GPR155: variants seen among roughly 807,000 people sequenced by gnomAD.
The protein encoded by GPR155 is G protein-coupled receptor 155.
A neutral mutation model predicts 93.1 loss-of-function variants in GPR155; 65 were observed. The observed-to-expected ratio is 0.70, with a 90% confidence interval of 0.57 to 0.86. The LOEUF is 0.86. Ranked by LOEUF, GPR155 falls within the 40% of genes least tolerant of loss-of-function variation. The probability of loss-of-function intolerance (pLI) is 0.00; values close to 1 mark genes in which losing one functional copy is unlikely to be tolerated. For synonymous variants in GPR155, 319 were observed against 360.1 expected (o/e 0.89, Z 1.29); for missense variants, 838 against 1,034.8 (o/e 0.81, Z 2.61).
intron 13 of GPR155, among the ~76,000 whole-genome samples, chr2:174,444,079 A>G (rs141147826): frequency 6.6e-6 from 1 of 152,304 alleles, no homozygotes; most frequent in East Asian, 1.9e-4. Flanking sequence ...TTAAGTATCT[A>G]TTGTTCAAGA....
At chr2:174,475,145 A>G (rs907993821) in intron 2 of GPR155, among the ~76,000 whole-genome samples, 2 of 150,462 alleles carry the variant, frequency 1.3e-5, no homozygotes, top group Non-Finnish European at 3.0e-5. Context: ...AATACAAAAA[A>G]TTAGCCGGGC....
chr2:174,448,500 TA>T (rs1431530945), intron 11 of GPR155, among the ~76,000 whole-genome samples: 1 of 151,078 alleles, frequency 6.6e-6, no homozygotes, highest in Non-Finnish European at 1.5e-5. Flanking sequence ...AAAAACACTA[TA>T]CTGGGAAGTT....
chr2:174,466,176 T>A (rs1687832720), intron 6 of GPR155, among the ~76,000 whole-genome samples: 1 of 152,200 alleles, frequency 6.6e-6, no homozygotes, highest in African/African-American at 2.4e-5. Context: ...AATATTAATT[T>A]TATACCTGTA....
chr2:174,483,854 G>A (rs1366353255), intron 1 of GPR155, among the ~76,000 whole-genome samples: 1 of 152,010 alleles, frequency 6.6e-6, no homozygotes, highest in Non-Finnish European at 1.5e-5. Flanking sequence ...CAAAATGCTG[G>A]GATTATAGGT....
chr2:174,463,929 C>G (rs1474634375), intron 7 of GPR155, among the ~76,000 whole-genome samples: 1 of 152,220 alleles, frequency 6.6e-6, no homozygotes, highest in Non-Finnish European at 1.5e-5. Context: ...TTCTTTACCA[C>G]TTTTCCTCCC....
chr2:174,442,007 C>T (rs1486366236), intron 14 of GPR155, 112 bp downstream of exon 14: 2 of 691,800 alleles, frequency 2.9e-6, no homozygotes, highest in Admixed American at 5.0e-5. Context: ...CCTGGCCTCC[C>T]AAAGTACTGG....
At chr2:174,472,171 C>T (rs574291236) in intron 3 of GPR155, among the ~76,000 whole-genome samples, 14 of 152,028 alleles carry the variant, frequency 9.2e-5, no homozygotes, top group Non-Finnish European at 2.1e-4. Flanking sequence ...TTTGGGAGGC[C>T]GAGATGGATG....
chr2:174,436,640 CAG>C (rs1430002081), intron 15 of GPR155, among the ~76,000 whole-genome samples: 4 of 152,158 alleles, frequency 2.6e-5, no homozygotes, highest in African/African-American at 9.7e-5. Context: ...CTTGTGAAAA[CAG>C]AAATGCTTAA....
chr2:174,462,520 G>A (rs1212867310), intron 7 of GPR155, among the ~76,000 whole-genome samples: 1 of 152,204 alleles, frequency 6.6e-6, no homozygotes, highest in Non-Finnish European at 1.5e-5. Context: ...TGTTGCCCAT[G>A]CTGGTCTTGA....
intron 11 of GPR155, among the ~76,000 whole-genome samples, chr2:174,447,653 T>G (rs1313674144): frequency 1.4e-5 from 2 of 146,276 alleles, no homozygotes; most frequent in Admixed American, 6.9e-5. Context: ...ATATATAATA[T>G]ATATTAGATA....
chr2:174,454,625 AGAAGGAAG>A (rs750579777), intron 10 of GPR155, among the ~76,000 whole-genome samples: 1 of 141,936 alleles, frequency 7.0e-6, no homozygotes, highest in Non-Finnish European at 1.5e-5. Flanking sequence ...GCCTGGGGAA[AGAAGGAAG>A]GAAGGAAGGA....
At position 174,459,962 on chromosome 2, in the gene GPR155, C is replaced by T; in HGVS notation, c.1687G>A (p.Val563Met). The change falls in exon 10 of 16, where the codon GTG (valine) becomes ATG (methionine). Residue 563 changes from valine (V) to methionine (M), a missense_variant. This residue lies in a region of GPR155 where 663 missense variants were observed against 790.1 expected (regional missense o/e 0.84). Coordinates refer to ENST00000392552, the MANE Select transcript of GPR155 (RefSeq NM_152529.7). ...GFDQSQSHKV[V>M]EPGNTAFEES... ...TCAAAAGCAGTATTTCCAGGCTCCA[C>T]CACTTTGTGGCTCTGAGACTGATCG... 2 of 1,614,136 alleles carry T rather than the reference C, an allele frequency of 1.2e-6. No homozygotes were observed. The highest frequency in any genetic ancestry group is 8.5e-7 in the Non-Finnish European group (1 of 1,179,988).
At chr2:174,441,392 T>C (rs890538237) in intron 14 of GPR155, among the ~76,000 whole-genome samples, 27 of 151,486 alleles carry the variant, frequency 1.8e-4, no homozygotes, top group African/African-American at 4.8e-4. Flanking sequence ...ATTTTACCAA[T>C]CAAATTAAAA....
intron 6 of GPR155, 26 bp downstream of exon 6, chr2:174,466,518 T>C (rs1253159150): frequency 2.1e-5 from 25 of 1,189,796 alleles, no homozygotes; most frequent in Non-Finnish European, 3.0e-5. Flanking sequence ...AAAAACATAG[T>C]TCTAAATATC....
chr2:174,436,187 T>C lies in GPR155; in HGVS notation c.2542A>G (p.Asn848Asp). The C allele has an allele frequency of 1.2e-6, 2 of 1,614,004 alleles. No individual in the cohort carries two copies. The highest frequency in any genetic ancestry group is 1.7e-6 in the Non-Finnish European group (2 of 1,179,850). Reference protein sequence around the residue: ...PEQSPPAINANTLQQERYKEI... With the variant: ...PEQSPPAINADTLQQERYKEI... ...TTATATCTTTCCTGTTGGAGAGTGT[T>C]TGCATTAATAGCAGGAGGACTCTGT... The change falls in exon 16 of 16, where the codon AAC becomes GAC. Residue 848 changes from asparagine to aspartate, a missense_variant. This residue lies in a region of GPR155 where 146 missense variants were observed against 177.5 expected (regional missense o/e 0.82). Transcript: ENST00000392552.
intron 11 of GPR155, among the ~76,000 whole-genome samples, chr2:174,448,776 A>T (rs1205542840): frequency 6.6e-6 from 1 of 151,770 alleles, no homozygotes; most frequent in Non-Finnish European, 1.5e-5. Flanking sequence ...TGACCTCATG[A>T]TCCACCCGCC....
At chr2:174,461,772 T>C (rs1310131637) in intron 7 of GPR155, 100 bp from the exon 8 acceptor site, 4 of 697,880 alleles carry the variant, frequency 5.7e-6, no homozygotes, top group Non-Finnish European at 7.5e-6. Context: ...GCTTATTTCA[T>C]AGTAGTGTGT....
chr2:174,476,343 T>C (rs990207232), intron 2 of GPR155, among the ~76,000 whole-genome samples: 1 of 152,190 alleles, frequency 6.6e-6, no homozygotes. Flanking sequence ...TGGTGGCTCA[T>C]GCCTGTAATC....
At chr2:174,437,347 T>G (rs1686814996) in intron 15 of GPR155, among the ~76,000 whole-genome samples, 1 of 152,142 alleles carries the variant, frequency 6.6e-6, no homozygotes, top group Non-Finnish European at 1.5e-5. Context: ...TCACCATAAA[T>G]GAATATTCAT....
Sources: gnomAD v4.1 joint callset for allele counts (sites outside exome capture counted in the v4.1 genomes callset) on GRCh38, gnomAD v4.1.1 for gene constraint, gnomAD v4.1.1 regional missense constraint, MANE v1.5 for transcripts, NCBI Gene and HGNC (gene_info 2026-07-23, HGNC 2026-07-21) for gene names.